The following RBFOX1 variants were observed in gnomAD, a reference collection of about 807,000 sequenced individuals.
The protein encoded by RBFOX1 is RNA binding fox-1 homolog 1, also known as RNA binding protein fox-1 homolog 1.
RBFOX1 carries 8 observed loss-of-function variants against 57.7 expected under a neutral mutation model. That is an observed-to-expected ratio of 0.14 (90% confidence interval 0.08 to 0.25). The LOEUF (loss-of-function observed/expected upper bound fraction) is 0.25, where lower values mean the gene tolerates loss of function less well. Ranked by LOEUF, RBFOX1 falls within the 10% of genes least tolerant of loss-of-function variation. The probability of loss-of-function intolerance (pLI) is 1.00; values close to 1 mark genes in which losing one functional copy is unlikely to be tolerated. For synonymous variants in RBFOX1, 326 were observed against 222.4 expected, an observed-to-expected ratio of 1.47 and a Z score of -4.15; for missense variants, 611 against 548.5, an observed-to-expected ratio of 1.11 and a Z score of -1.14.
chr16:5,900,762 G>A, intron 4 of RBFOX1, among the ~76,000 whole-genome samples: 1 of 152,162 alleles, frequency 6.6e-6, no homozygotes, highest in Non-Finnish European at 1.5e-5. Context: ...GATGGTGCCA[G>A]GAATGTCAAA....
chr16:6,922,328 G>C (rs902770129), intron 3 of RBFOX1, among the ~76,000 whole-genome samples: 2 of 152,118 alleles, frequency 1.3e-5, no homozygotes, highest in Admixed American at 6.5e-5. Context: ...AGTGTCCGGT[G>C]GTAATGGCAA....
At position 7,518,433 on chromosome 16, in the gene RBFOX1, G is replaced by T. The variant is rs745386545; in HGVS notation, c.270+44G>T. Reference sequence around the variant, plus strand: ...TACGGGTGGGAGGTTATGGGGAGGCGCCCCCAGCCCTGGTAATGGCAGCGG... The same window carrying T: ...TACGGGTGGGAGGTTATGGGGAGGCTCCCCCAGCCCTGGTAATGGCAGCGG... On this transcript the variant is annotated intron_variant, in intron 5 of 15. Coordinates refer to ENST00000550418, the MANE Select transcript of RBFOX1 (RefSeq NM_018723.4). 7 of 1,560,850 alleles carry T rather than the reference G, an allele frequency of 4.5e-6. No homozygotes were observed. The Admixed American group carries it at 1.2e-4, about 28-fold the overall frequency.
chr16:6,010,613 G>A (rs2094955607), intron 4 of RBFOX1, among the ~76,000 whole-genome samples: 2 of 152,228 alleles, frequency 1.3e-5, no homozygotes, highest in African/African-American at 2.4e-5. Flanking sequence ...GCTGATTAAT[G>A]AGCAGAGCTT....
intron 1 of RBFOX1, among the ~76,000 whole-genome samples, chr16:5,276,885 G>C (rs534526699): frequency 6.6e-6 from 1 of 152,294 alleles, no homozygotes; most frequent in African/African-American, 2.4e-5. Flanking sequence ...GCAGTATGGA[G>C]ATTCCTTAAA....
In RBFOX1 at chr16:6,887,811, C is replaced by T. The variant is rs369964212; in HGVS notation, c.-15-164246C>T. Among the ~76,000 whole-genome samples, 14 of 152,066 alleles carry T rather than the reference C, an allele frequency of 9.2e-5. 1 individual carries two copies. The highest frequency in any genetic ancestry group is 3.1e-4 in the African/African-American group (13 of 41,492). ...CTGAGTAGCTGGGTTTACAGGCACT[C>T]GTCACCACACCTGGCTAATTTTTAT... On this transcript the variant is annotated intron_variant, in intron 3 of 15. Coordinates refer to ENST00000550418, the MANE Select transcript of RBFOX1 (RefSeq NM_018723.4).
At chr16:7,036,444 C>T (rs1048676859) in intron 3 of RBFOX1, among the ~76,000 whole-genome samples, 2 of 152,014 alleles carry the variant, frequency 1.3e-5, no homozygotes, top group Non-Finnish European at 2.9e-5. Flanking sequence ...GGCGTGGTGG[C>T]TCACGCTTGT....
At chr16:7,119,236 T>C (rs947024287) in intron 4 of RBFOX1, among the ~76,000 whole-genome samples, 1 of 152,088 alleles carries the variant, frequency 6.6e-6, no homozygotes, top group Non-Finnish European at 1.5e-5. Flanking sequence ...AGGCAGTAAT[T>C]TTTTTGTGTC....
chr16:5,390,358 A>G (rs1436279192), intron 1 of RBFOX1, among the ~76,000 whole-genome samples: 1 of 148,360 alleles, frequency 6.7e-6, no homozygotes, highest in Non-Finnish European at 1.5e-5. Context: ...GCATGATTTC[A>G]GCTCACTGCA....
chr16:5,342,856 C>A (rs893842905), intron 1 of RBFOX1, among the ~76,000 whole-genome samples: 1 of 152,144 alleles, frequency 6.6e-6, no homozygotes, highest in Non-Finnish European at 1.5e-5. Context: ...GCATCTCTTT[C>A]CCTATTGTAC....
chr16:6,168,058 A>G (rs1288061976), intron 1 of RBFOX1, among the ~76,000 whole-genome samples: 1 of 152,140 alleles, frequency 6.6e-6, no homozygotes, highest in Non-Finnish European at 1.5e-5. Context: ...TGTCTGTGAT[A>G]TATTCAGGGA....
intron 4 of RBFOX1, among the ~76,000 whole-genome samples, chr16:7,508,484 G>C (rs60984731): frequency 0.051 from 7,779 of 152,152 alleles, 285 homozygotes; most frequent in East Asian, 0.13. Flanking sequence ...TGTGAGACAG[G>C]GCCTCTTGTC....
At chr16:7,166,025 TG>T (rs2079440385) in intron 4 of RBFOX1, among the ~76,000 whole-genome samples, 1 of 151,730 alleles carries the variant, frequency 6.6e-6, no homozygotes. Context: ...TTGTTGTTGT[TG>T]TTGTTGAGGT....
Position 6,680,276 on chromosome 16 carries a change from T to C in RBFOX1, c.-16+25626T>C, listed in dbSNP as rs866671311. ...CTTTGCTTTGCTTTTCTCTCTCTCT[T>C]TTTTTTTTTTTTTTTTTTATTTGTC... On this transcript the variant is annotated intron_variant, in intron 3 of 15. Coordinates refer to ENST00000550418, the MANE Select transcript of RBFOX1 (RefSeq NM_018723.4). Among the ~76,000 whole-genome samples, 8 of 67,002 alleles carry C rather than the reference T, an allele frequency of 1.2e-4. No homozygotes were observed. In the East Asian group the frequency reaches 1.8e-3, roughly 15 times the overall value. The allele number at this position is 67,002 out of a possible 152,430, so 44.0% of individuals were successfully genotyped here.
intron 4 of RBFOX1, among the ~76,000 whole-genome samples, chr16:5,904,976 CAAAA>C (rs57824134): frequency 1.5e-5 from 1 of 66,814 alleles, no homozygotes; most frequent in Non-Finnish European, 2.6e-5. Flanking sequence ...GACTCCGTCT[CAAAA>C]AAAAAAAAAA....
intron 4 of RBFOX1, among the ~76,000 whole-genome samples, chr16:5,998,850 G>C (rs574715599): frequency 6.6e-6 from 1 of 152,174 alleles, no homozygotes; most frequent in Non-Finnish European, 1.5e-5. Context: ...ATTGCAGTCA[G>C]ATTTTAATCC....
chr16:5,425,755 C>A (rs2067539933), intron 1 of RBFOX1, among the ~76,000 whole-genome samples: 1 of 152,142 alleles, frequency 6.6e-6, no homozygotes, highest in African/African-American at 2.4e-5. Context: ...TCCACACTGT[C>A]CTCAGGTTCC....
At chr16:6,475,719 G>T (rs1335294911) in intron 2 of RBFOX1, among the ~76,000 whole-genome samples, 2 of 152,070 alleles carry the variant, frequency 1.3e-5, no homozygotes, top group African/African-American at 4.8e-5. Context: ...CTTTCAATGT[G>T]GTTGCTATGT....
chr16:6,460,584 A>G (rs1351419167), intron 2 of RBFOX1, among the ~76,000 whole-genome samples: 1 of 152,186 alleles, frequency 6.6e-6, no homozygotes, highest in African/African-American at 2.4e-5. Context: ...ATTATTAAAA[A>G]GTTAAGAAAC....
intron 2 of RBFOX1, among the ~76,000 whole-genome samples, chr16:6,584,577 C>T (rs967163057): frequency 6.6e-6 from 1 of 151,868 alleles, no homozygotes; most frequent in Non-Finnish European, 1.5e-5. Flanking sequence ...CCATGTTGAC[C>T]AGGCTGGTCT....
Sources: allele counts gnomAD v4.1 joint callset (sites outside exome capture counted in the v4.1 genomes callset), GRCh38; gene constraint gnomAD v4.1.1; transcripts MANE v1.5; gene names NCBI Gene and HGNC (gene_info 2026-07-23, HGNC 2026-07-21).